The following ARHGAP10 variants were observed in gnomAD, a reference collection of about 807,000 sequenced individuals.
ARHGAP10 encodes the protein Rho GTPase activating protein 10.
A neutral mutation model predicts 108.6 loss-of-function variants in ARHGAP10; 87 were observed. That is an observed-to-expected ratio of 0.80 (90% CI 0.67 to 0.96). ARHGAP10 has a LOEUF of 0.96. Ranked by LOEUF, ARHGAP10 falls within the 40% of genes least tolerant of loss-of-function variation. The probability of loss-of-function intolerance (pLI) is 0.00; values close to 1 mark genes in which losing one functional copy is unlikely to be tolerated. For missense variants in ARHGAP10, 939 were observed against 954.5 expected (o/e 0.98, Z 0.21); for synonymous variants, 347 against 341.1 (o/e 1.02, Z -0.19).
intron 18 of ARHGAP10, among the ~76,000 whole-genome samples, chr4:147,982,546 C>CTTTTTTTTTTTTTTTTT (rs753773443): frequency 9.1e-5 from 6 of 66,278 alleles, no homozygotes; most frequent in African/African-American, 2.8e-4. Flanking sequence ...CCAGCTAAAT[C>CTTTTTTTTTTTTTTTTT]TTTTTTTTTT....
chr4:147,787,695 A>G (rs984464648), intron 1 of ARHGAP10, among the ~76,000 whole-genome samples: 10 of 152,218 alleles, frequency 6.6e-5, no homozygotes, highest in African/African-American at 7.2e-5. Context: ...CTCACAACCA[A>G]TTCCCCTGTT....
At chr4:147,788,968 A>G (rs566960296) in intron 1 of ARHGAP10, among the ~76,000 whole-genome samples, 1 of 152,334 alleles carries the variant, frequency 6.6e-6, no homozygotes, top group South Asian at 2.1e-4. Context: ...TTCATGCCAT[A>G]AACTTATCCG....
intron 1 of ARHGAP10, among the ~76,000 whole-genome samples, chr4:147,781,681 C>CTTTTTTTTTTTTTTTTTT (rs56781517): frequency 2.3e-5 from 3 of 130,566 alleles, no homozygotes; most frequent in African/African-American, 5.7e-5. Context: ...CTTTTCTTTT[C>CTTTTTTTTTTTTTTTTTT]TTTTTTTTTT....
intron 18 of ARHGAP10, among the ~76,000 whole-genome samples, chr4:148,017,513 A>T (rs1741390796): frequency 6.6e-6 from 1 of 151,930 alleles, no homozygotes. Flanking sequence ...TAGGTAAGCC[A>T]GGAAGGCCAG....
At chr4:147,882,523 G>A (rs1735367305) in intron 10 of ARHGAP10, among the ~76,000 whole-genome samples, 1 of 151,698 alleles carries the variant, frequency 6.6e-6, no homozygotes, top group Admixed American at 6.6e-5. Context: ...TTTGTAGCAT[G>A]AAGAGAACAA....
chr4:148,031,831 A>G (rs6839459), intron 19 of ARHGAP10, among the ~76,000 whole-genome samples: 20,501 of 152,142 alleles, frequency 0.13, 2,333 homozygotes, highest in African/African-American at 0.31. Flanking sequence ...CAGGAGAAAA[A>G]TCCAGGCCTG....
chr4:147,894,474 G>A (rs1735911576), intron 10 of ARHGAP10, among the ~76,000 whole-genome samples: 1 of 152,142 alleles, frequency 6.6e-6, no homozygotes, highest in African/African-American at 2.4e-5. Context: ...TATAATAATA[G>A]TGAATATTTT....
intron 18 of ARHGAP10, among the ~76,000 whole-genome samples, chr4:148,003,117 G>A (rs962198946): frequency 6.6e-6 from 1 of 152,074 alleles, no homozygotes; most frequent in African/African-American, 2.4e-5. Context: ...ATGCTGTGTC[G>A]TTGTTCTCAT....
rs1324830655 is a variant in ARHGAP10 at position 147,966,661 on chromosome 4, C to T, written c.1557-19C>T. 16 of 1,537,944 alleles carry T rather than the reference C, an allele frequency of 1.0e-5. No individual in the cohort carries two copies. Among genetic ancestry groups the T allele is most frequent in the African/African-American group, 1.4e-5 (1 of 73,168 alleles). On this transcript the variant is annotated intron_variant, in intron 17 of 22. Transcript: ENST00000336498. ...TGCTCCTTTGGTTAAACAGATTCCT[C>T]CCCCCTTACCAATTTCAGTGTTTCA...
At chr4:147,878,095 C>G (rs895159913) in intron 8 of ARHGAP10, among the ~76,000 whole-genome samples, 2 of 151,408 alleles carry the variant, frequency 1.3e-5, no homozygotes, top group Non-Finnish European at 2.9e-5. Flanking sequence ...CACCACCACG[C>G]CCAGCTAATT....
chr4:148,066,283 T>A (rs1357075441), intron 22 of ARHGAP10, among the ~76,000 whole-genome samples: 1 of 152,198 alleles, frequency 6.6e-6, no homozygotes, highest in African/African-American at 2.4e-5. Context: ...TTACCCATCC[T>A]CACATCCCAG....
intron 18 of ARHGAP10, among the ~76,000 whole-genome samples, chr4:147,972,688 G>A (rs1354780404): frequency 6.6e-6 from 1 of 152,182 alleles, no homozygotes; most frequent in Non-Finnish European, 1.5e-5. Flanking sequence ...AGATGGGCAA[G>A]TATGAGGACA....
At chr4:147,867,088 A>G (rs1332436554) in intron 7 of ARHGAP10, among the ~76,000 whole-genome samples, 2 of 152,178 alleles carry the variant, frequency 1.3e-5, no homozygotes, top group Non-Finnish European at 2.9e-5. Flanking sequence ...TAAATCAGCT[A>G]TGTCTGCTAC....
chr4:147,981,960 T>G (rs1055040516), intron 18 of ARHGAP10, among the ~76,000 whole-genome samples: 1 of 152,212 alleles, frequency 6.6e-6, no homozygotes, highest in African/African-American at 2.4e-5. Flanking sequence ...CGTGATCATA[T>G]GTGAGATGGG....
chr4:148,071,901 C>A, intron 22 of ARHGAP10, 92 bp from the exon 23 acceptor site: 1 of 1,062,230 alleles, frequency 9.4e-7, no homozygotes, highest in Non-Finnish European at 1.4e-6. Context: ...CTGTTCTCTA[C>A]TGGCCACTCC....
chr4:147,788,340 A>C (rs979584717), intron 1 of ARHGAP10, among the ~76,000 whole-genome samples: 2 of 152,108 alleles, frequency 1.3e-5, no homozygotes, highest in Non-Finnish European at 2.9e-5. Flanking sequence ...TCAGCTACTC[A>C]GGAGGCTGGG....
intron 4 of ARHGAP10, among the ~76,000 whole-genome samples, chr4:147,850,935 G>C (rs1369155758): frequency 6.6e-6 from 1 of 152,138 alleles, no homozygotes; most frequent in East Asian, 1.9e-4. Flanking sequence ...CAAGTATGTT[G>C]AACAAAAACT....
chr4:147,732,529 G>C (rs1032021586), intron 1 of ARHGAP10, 74 bp downstream of exon 1: 7 of 1,580,722 alleles, frequency 4.4e-6, no homozygotes, highest in Non-Finnish European at 5.2e-6. Flanking sequence ...GGCAGGAGAC[G>C]GAGGGTCTTG....
chr4:147,880,984 T>C (rs1192037842), intron 9 of ARHGAP10, among the ~76,000 whole-genome samples: 1 of 152,154 alleles, frequency 6.6e-6, no homozygotes, highest in Non-Finnish European at 1.5e-5. Flanking sequence ...CTTTGAAAAT[T>C]AACATTTGGC....
Sources: allele counts gnomAD v4.1 joint callset (sites outside exome capture counted in the v4.1 genomes callset), GRCh38; gene constraint gnomAD v4.1.1; transcripts MANE v1.5; gene names NCBI Gene and HGNC (gene_info 2026-07-23, HGNC 2026-07-21).